TUT4: variants seen among roughly 807,000 people sequenced by gnomAD.
TUT4 encodes the protein terminal uridylyl transferase 4.
In TUT4, 36 loss-of-function variants were observed where a neutral mutation model predicts 192.2. That is an observed-to-expected ratio of 0.19 (90% CI 0.14 to 0.25). TUT4 has a LOEUF of 0.25. Ranked by LOEUF, TUT4 falls within the 10% of genes least tolerant of loss-of-function variation. The pLI, the probability that TUT4 is intolerant of heterozygous loss-of-function variation, is 1.00. For missense variants in TUT4, 1,493 were observed against 1,957.2 expected, an observed-to-expected ratio of 0.76 and a Z score of 4.47; for synonymous variants, 618 against 666.0, an observed-to-expected ratio of 0.93 and a Z score of 1.11.
In TUT4 at chr1:52,479,591, A is replaced by C. The variant is rs1038517873; in HGVS notation, c.1849-1709T>G. Among the ~76,000 whole-genome samples, 9 of 152,314 alleles carry C rather than the reference A, an allele frequency of 5.9e-5. No individual in the cohort carries two copies. In the East Asian group the frequency reaches 1.7e-3, roughly 29 times the overall value. On this transcript the variant is annotated intron_variant, in intron 11 of 29. Transcript: ENST00000257177. ...AACCGAAAGGAACATCCTTTCAGTT[A>C]ATTGAGCAACTGAAAGGATGCAGTG...
At chr1:52,454,828 G>A (rs1388432294) in intron 20 of TUT4, among the ~76,000 whole-genome samples, 1 of 152,124 alleles carries the variant, frequency 6.6e-6, no homozygotes. Flanking sequence ...TCTGATAAAG[G>A]ACTATTATTC....
intron 2 of TUT4, among the ~76,000 whole-genome samples, chr1:52,517,324 T>C (rs1678980957): frequency 6.6e-6 from 1 of 152,234 alleles, no homozygotes; most frequent in South Asian, 2.1e-4. Context: ...TAATGCTCTG[T>C]GTCATGTTGA....
intron 3 of TUT4, among the ~76,000 whole-genome samples, chr1:52,512,768 AAAATTTAGCCTTCTGATCT>A: frequency 6.6e-6 from 1 of 152,338 alleles, no homozygotes; most frequent in East Asian, 1.9e-4. Context: ...CAACCATAGG[AAAATTTAGCCTTCTGATCT>A]AATGGTTTGG....
chr1:52,440,375 C>T, intron 24 of TUT4, among the ~76,000 whole-genome samples: 1 of 151,026 alleles, frequency 6.6e-6, no homozygotes, highest in East Asian at 1.9e-4. Context: ...AAGCGATCTT[C>T]CTGCCCTGGC....
chr1:52,498,953 T>C (rs1330278029), intron 4 of TUT4, among the ~76,000 whole-genome samples: 1 of 68,828 alleles, frequency 1.5e-5, no homozygotes, highest in African/African-American at 5.6e-5. Context: ...TATATATATA[T>C]ATATATGACA....
At chr1:52,463,370 A>G (rs1663152522) in intron 16 of TUT4, 1 of 996,712 alleles carries the variant, frequency 1.0e-6, no homozygotes, top group African/African-American at 1.7e-5. Flanking sequence ...AATACTTGCA[A>G]CTTTTCAGTT....
At chr1:52,545,792 A>T (rs1043023807) in intron 1 of TUT4, among the ~76,000 whole-genome samples, 34 of 152,140 alleles carry the variant, frequency 2.2e-4, no homozygotes, top group African/African-American at 6.5e-4. Flanking sequence ...TCAAAAAATT[A>T]AAAATATACT....
intron 15 of TUT4, among the ~76,000 whole-genome samples, chr1:52,466,695 A>AGTTTCG (rs1664311732): frequency 6.9e-6 from 1 of 145,698 alleles, no homozygotes; most frequent in African/African-American, 2.6e-5. Context: ...TTTGAGACAG[A>AGTTTCG]GTTTCGCTCT....
chr1:52,478,806 T>C (rs1667747438), intron 11 of TUT4, among the ~76,000 whole-genome samples: 1 of 152,174 alleles, frequency 6.6e-6, no homozygotes, highest in African/African-American at 2.4e-5. Context: ...ACAATCATTC[T>C]CACATTCCAT....
intron 11 of TUT4, among the ~76,000 whole-genome samples, chr1:52,480,803 G>A (rs922469449): frequency 3.3e-5 from 5 of 152,198 alleles, no homozygotes; most frequent in African/African-American, 1.2e-4. Context: ...GGTTTGAGGA[G>A]AGAGTATACA....
intron 4 of TUT4, among the ~76,000 whole-genome samples, chr1:52,501,558 A>G (rs188653813): frequency 6.6e-6 from 1 of 152,310 alleles, no homozygotes; most frequent in East Asian, 1.9e-4. Flanking sequence ...TGGCAATCCC[A>G]AAAAACTAAA....
chr1:52,440,239 A>T (rs930173023), intron 24 of TUT4, among the ~76,000 whole-genome samples: 5 of 152,092 alleles, frequency 3.3e-5, no homozygotes, highest in African/African-American at 4.8e-5. Context: ...AAAACCACTG[A>T]ATTGCACAGT....
chr1:52,490,448 C>A (rs557801805), intron 8 of TUT4, among the ~76,000 whole-genome samples: 3 of 151,792 alleles, frequency 2.0e-5, no homozygotes, highest in Admixed American at 2.0e-4. Flanking sequence ...CAAAGTAGTA[C>A]CTGCATATAA....
At chr1:52,522,153 T>G (rs140711545) in intron 2 of TUT4, among the ~76,000 whole-genome samples, 59 of 152,316 alleles carry the variant, frequency 3.9e-4, no homozygotes, top group African/African-American at 1.3e-3. Flanking sequence ...ATATTATACA[T>G]GAATTTAAAG....
chr1:52,484,175 C>T (rs1254118884), intron 9 of TUT4, among the ~76,000 whole-genome samples: 1 of 152,064 alleles, frequency 6.6e-6, no homozygotes, highest in East Asian at 1.9e-4. Context: ...GATGGCACCA[C>T]TGCACTCTGG....
chr1:52,431,425 T>C lies in TUT4; in HGVS notation c.4299A>G (p.Pro1433=), dbSNP rs750499480. The change falls in exon 28 of 30, where the codon CCA becomes CCG. Residue 1433 remains proline (P), a synonymous_variant. Coordinates refer to ENST00000257177, the MANE Select transcript of TUT4 (RefSeq NM_001009881.3). ...CTGACTGGGAAGAGTTCTGTGGAAA[T>C]GGCTGAGGCTGAGGAGAATAAGATG... ...ESPSYSPQPQ[P]FPQNSSQSAA... 2 of 1,613,258 alleles carry C rather than the reference T, an allele frequency of 1.2e-6. No individual in the cohort carries two copies. Among genetic ancestry groups the C allele is most frequent in the Non-Finnish European group, 1.7e-6 (2 of 1,179,566 alleles).
At chr1:52,511,336 C>T (rs536079301) in intron 3 of TUT4, among the ~76,000 whole-genome samples, 3 of 152,284 alleles carry the variant, frequency 2.0e-5, no homozygotes, top group East Asian at 3.9e-4. Flanking sequence ...TCAAAGAAAA[C>T]GCTACCTCTT....
chr1:52,456,264 G>A (rs1006334651), intron 20 of TUT4, among the ~76,000 whole-genome samples: 2 of 151,756 alleles, frequency 1.3e-5, no homozygotes, highest in Non-Finnish European at 2.9e-5. Flanking sequence ...CCAGCAGGGC[G>A]TGGTGGTGCA....
intron 15 of TUT4, 116 bp from the exon 16 acceptor site, chr1:52,465,289 C>G: frequency 1.5e-6 from 1 of 656,988 alleles, no homozygotes; most frequent in Non-Finnish European, 2.5e-6. Context: ...ATTTAAATTA[C>G]CTACCACTGG....
Sources: allele counts gnomAD v4.1 joint callset (sites outside exome capture counted in the v4.1 genomes callset), GRCh38; gene constraint gnomAD v4.1.1; transcripts MANE v1.5; gene names NCBI Gene and HGNC (gene_info 2026-07-23, HGNC 2026-07-21).